The following WDR33 variants were observed in gnomAD, a reference collection of about 807,000 sequenced individuals.
The protein encoded by WDR33 is pre-mRNA 3' end processing protein WDR33.
WDR33 carries 47 observed loss-of-function variants against 164.9 expected under a neutral mutation model. The observed-to-expected ratio is 0.29, with a 90% CI of 0.23 to 0.36. WDR33 has a LOEUF of 0.36. WDR33 is among the 10% of genes least tolerant of loss of function. The pLI, the probability that WDR33 is intolerant of heterozygous loss-of-function variation, is 1.00. For synonymous variants in WDR33, 505 were observed against 589.0 expected (o/e 0.86, Z 2.06); for missense variants, 1,137 against 1,754.1 (o/e 0.65, Z 6.28).
chr2:127,726,855 A>G lies in WDR33; in HGVS notation c.725-78T>C. 1 of 1,566,426 alleles carries G rather than the reference A, an allele frequency of 6.4e-7. No individual in the cohort carries two copies. Among genetic ancestry groups the G allele is most frequent in the South Asian group, 1.2e-5 (1 of 85,504 alleles). ...AATTTAAACCAAAGTAGAGAAACCT[A>G]GTAAATGTTTTGCTCTCAGTGCTCA... On this transcript the variant is annotated intron_variant, in intron 7 of 21. Transcript: ENST00000322313. This position sits in a 1 kb window ranked among gnomAD's most constrained non-coding sequence, Gnocchi z 4.8.
chr2:127,752,004 G>A (rs893350684), intron 7 of WDR33, among the ~76,000 whole-genome samples: 4 of 152,170 alleles, frequency 2.6e-5, no homozygotes, highest in Non-Finnish European at 5.9e-5. Context: ...CGGGGTGGAC[G>A]CAGAGGGTAA....
At chr2:127,743,975 C>G (rs924740106) in intron 7 of WDR33, among the ~76,000 whole-genome samples, 4 of 152,104 alleles carry the variant, frequency 2.6e-5, no homozygotes, top group African/African-American at 2.4e-5. Flanking sequence ...AAAGGATTGG[C>G]AGATTTTTAA....
In WDR33 at chr2:127,764,742, C is replaced by T; in HGVS notation, c.626+86G>A. The T allele has an allele frequency of 1.9e-6, 3 of 1,614,096 alleles. No individual in the cohort carries two copies. The highest frequency in any genetic ancestry group is 2.5e-6 in the Non-Finnish European group (3 of 1,180,008). ...AAGTTTCCCAGAAACTGACAGAGCC[C>T]ATGCATCTCTGCACCCAGAATACAC... On this transcript the variant is annotated intron_variant, in intron 6 of 21. Coordinates refer to ENST00000322313, the MANE Select transcript of WDR33 (RefSeq NM_018383.5). This position sits in a 1 kb window ranked among gnomAD's most constrained non-coding sequence, Gnocchi z 6.2.
At position 127,708,574 on chromosome 2, in the gene WDR33, G is replaced by T. The variant is rs1433917549; in HGVS notation, c.3781+103C>A. 2 of 1,292,626 alleles carry T rather than the reference G, an allele frequency of 1.5e-6. No individual in the cohort carries two copies. Among genetic ancestry groups the T allele is most frequent in the East Asian group, 2.4e-5 (1 of 41,488 alleles). 80.1% of individuals were successfully genotyped at this position (1,292,626 alleles called of 1,614,324 possible). ...ACTGGCACCACATTTAGGAGCATGT[G>T]CCTCTGCACAGCCCAGGCTGCAAGG... On this transcript the variant is annotated intron_variant, in intron 21 of 21. Coordinates refer to ENST00000322313, the MANE Select transcript of WDR33 (RefSeq NM_018383.5). The surrounding 1 kb of genome is among the most constrained non-coding windows in gnomAD (Gnocchi z 6.7).
chr2:127,800,592 G>A (rs182928150), intron 1 of WDR33, among the ~76,000 whole-genome samples: 4 of 142,770 alleles, frequency 2.8e-5, no homozygotes, highest in South Asian at 2.2e-4. Flanking sequence ...AGCTGAGATC[G>A]CATCACTGCA....
intron 7 of WDR33, among the ~76,000 whole-genome samples, chr2:127,748,390 A>G (rs1412011770): frequency 6.6e-6 from 1 of 152,202 alleles, no homozygotes; most frequent in East Asian, 1.9e-4. Flanking sequence ...TGAAATGAAA[A>G]TAGACTAAAT....
At position 127,794,849 on chromosome 2, in the gene WDR33, AAAAG is replaced by A. The variant is rs534701344; in HGVS notation, c.-24+16159_-24+16162del. 2.0e-3 allele frequency among the ~76,000 whole-genome samples: 290 copies of A among 142,722 alleles called. 2 individuals carry two copies. The highest frequency in any genetic ancestry group is 6.5e-3 in the African/African-American group (242 of 37,044). The allele number at this position is 142,722 out of a possible 152,430, so 93.6% of individuals were successfully genotyped here. On this transcript the variant is annotated intron_variant, in intron 1 of 21. Coordinates refer to ENST00000322313, the MANE Select transcript of WDR33 (RefSeq NM_018383.5). ...ACTCCGTTTCAAAAAAAAAAAAAAA[AAAAG>A]AAAGAAAGAAAGAAATACTTTCAAG...
intron 7 of WDR33, among the ~76,000 whole-genome samples, chr2:127,758,801 C>G (rs370551878): frequency 1.4e-4 from 22 of 152,300 alleles, no homozygotes; most frequent in African/African-American, 4.8e-4. Flanking sequence ...AGCTCTCCCC[C>G]CTTATTATCA....
intron 1 of WDR33, among the ~76,000 whole-genome samples, chr2:127,808,668 G>T (rs927217211): frequency 1.3e-5 from 2 of 152,138 alleles, no homozygotes; most frequent in Non-Finnish European, 2.9e-5. Flanking sequence ...GCCCAGACAG[G>T]TGGATCATTT....
chr2:127,789,949 C>T (rs760103243), intron 1 of WDR33, among the ~76,000 whole-genome samples: 4 of 152,112 alleles, frequency 2.6e-5, no homozygotes, highest in Non-Finnish European at 4.4e-5. Flanking sequence ...AATCCTTTCA[C>T]CTCAGCCTCC....
chr2:127,774,839 GA>G (rs537577478), intron 1 of WDR33, among the ~76,000 whole-genome samples: 3,398 of 143,014 alleles, frequency 0.024, 48 homozygotes, highest in Middle Eastern at 0.1. Flanking sequence ...CAAAAAAAAA[GA>G]AAAAAAAAAA....
chr2:127,779,336 C>T lies in WDR33; in HGVS notation c.-23-8332G>A, dbSNP rs552344337. ...CAAAAATTAGCTAGGTGTGGTGGCG[C>T]ACACCTGTAGTCCCAGCTACTTGGG... On this transcript the variant is annotated intron_variant, in intron 1 of 21. Coordinates refer to ENST00000322313, the MANE Select transcript of WDR33 (RefSeq NM_018383.5). Among the ~76,000 whole-genome samples the T allele has an allele frequency of 3.3e-5, 5 of 152,034 alleles. No homozygotes were observed. The East Asian group carries it at 9.7e-4, about 29-fold the overall frequency.
intron 7 of WDR33, among the ~76,000 whole-genome samples, chr2:127,748,771 C>T (rs1231970258): frequency 1.3e-5 from 2 of 151,144 alleles, no homozygotes; most frequent in Non-Finnish European, 2.9e-5. Context: ...TTTCCTGAGA[C>T]AGGGTCTCAT....
intron 7 of WDR33, among the ~76,000 whole-genome samples, chr2:127,739,035 C>A (rs577792025): frequency 5.3e-5 from 8 of 152,226 alleles, no homozygotes; most frequent in African/African-American, 1.9e-4. Context: ...TCTTACCATT[C>A]CAGAGATGTG....
intron 7 of WDR33, among the ~76,000 whole-genome samples, chr2:127,739,079 C>T (rs995884099): frequency 6.6e-6 from 1 of 152,186 alleles, no homozygotes; most frequent in African/African-American, 2.4e-5. Context: ...AAAATCCAAA[C>T]CAGTTCAAAT....
chr2:127,726,340 G>C lies in WDR33; in HGVS notation c.851+311C>G, dbSNP rs1686572895. Among the ~76,000 whole-genome samples, 1 of 152,200 alleles carries C rather than the reference G, an allele frequency of 6.6e-6. No individual in the cohort carries two copies. The highest frequency in any genetic ancestry group is 6.5e-5 in the Admixed American group (1 of 15,280). On this transcript the variant is annotated intron_variant, in intron 8 of 21. Coordinates refer to ENST00000322313, the MANE Select transcript of WDR33 (RefSeq NM_018383.5). The surrounding 1 kb of genome is among the most constrained non-coding windows in gnomAD (Gnocchi z 4.8). ...GGGGCACACACGTCAACTCCTCACAGTGCCACAAGGTATTCTGATGACAGG... is the reference window on the plus strand; with the variant it reads ...GGGGCACACACGTCAACTCCTCACACTGCCACAAGGTATTCTGATGACAGG...
At chr2:127,711,774 A>ATTTT (rs1382438028) in intron 18 of WDR33, among the ~76,000 whole-genome samples, 13 of 93,322 alleles carry the variant, frequency 1.4e-4, no homozygotes, top group South Asian at 4.2e-4. Context: ...ATATATATAT[A>ATTTT]TATATATTTT....
chr2:127,736,417 G>A, intron 7 of WDR33: 1 of 985,420 alleles, frequency 1.0e-6, no homozygotes, highest in Non-Finnish European at 1.2e-6. Flanking sequence ...TGGTAGCACA[G>A]AAGTGTTTTT....
intron 7 of WDR33, among the ~76,000 whole-genome samples, chr2:127,730,439 T>C (rs1686673507): frequency 6.6e-6 from 1 of 151,540 alleles, no homozygotes; most frequent in Non-Finnish European, 1.5e-5. Context: ...CCAGAAGAAA[T>C]TCATCCTAAT....
Sources: allele counts gnomAD v4.1 joint callset (sites outside exome capture counted in the v4.1 genomes callset), GRCh38; gene constraint gnomAD v4.1.1; non-coding constraint Gnocchi (gnomAD v3.1); transcripts MANE v1.5; gene names NCBI Gene and HGNC (gene_info 2026-07-23, HGNC 2026-07-21).